COL24A1: variants seen among roughly 807,000 people sequenced by gnomAD.
COL24A1 encodes the protein collagen type XXIV alpha 1 chain.
COL24A1 carries 224 observed loss-of-function variants against 253.9 expected under a neutral mutation model. The ratio of observed to expected loss-of-function variants is 0.88; its 90% confidence interval spans 0.79 to 0.99. The LOEUF is 0.99. Ranked by LOEUF, COL24A1 falls within the 50% of genes least tolerant of loss-of-function variation. COL24A1 has a pLI of 0.00. For synonymous variants in COL24A1, 685 were observed against 673.7 expected (o/e 1.02, Z -0.26); for missense variants, 2,131 against 2,068.5 (o/e 1.03, Z -0.59).
At chr1:85,868,705 CA>C in intron 36 of COL24A1, 76 bp downstream of exon 36, 1 of 1,461,864 alleles carries the variant, frequency 6.8e-7, no homozygotes. Context: ...TTTTGTCACA[CA>C]AAAACAATGA....
At chr1:85,848,082 C>G (rs918946521) in intron 38 of COL24A1, among the ~76,000 whole-genome samples, 2 of 152,076 alleles carry the variant, frequency 1.3e-5, no homozygotes, top group Non-Finnish European at 2.9e-5. Flanking sequence ...TGTGTTGTTA[C>G]TATAAGAAAT....
At chr1:86,133,187 T>C (rs1170763073) in intron 2 of COL24A1, among the ~76,000 whole-genome samples, 1 of 152,194 alleles carries the variant, frequency 6.6e-6, no homozygotes, top group Non-Finnish European at 1.5e-5. Flanking sequence ...CTTGTGATTT[T>C]TGCACATTGA....
intron 28 of COL24A1, among the ~76,000 whole-genome samples, 179 bp downstream of exon 28, chr1:85,907,015 G>T (rs1353162141): frequency 6.6e-6 from 1 of 151,804 alleles, no homozygotes; most frequent in Non-Finnish European, 1.5e-5. Flanking sequence ...AACTACAAAA[G>T]ATTATGAGTT....
intron 43 of COL24A1, among the ~76,000 whole-genome samples, chr1:85,832,451 A>G (rs1675417702): frequency 1.3e-5 from 2 of 151,544 alleles, no homozygotes; most frequent in Non-Finnish European, 2.9e-5. Flanking sequence ...AGTTTTTTCC[A>G]ATTCTGTGAA....
At chr1:86,154,924 G>T (rs922013375) in intron 1 of COL24A1, 1 of 152,456 alleles carries the variant, frequency 6.6e-6, no homozygotes, top group East Asian at 1.9e-4. Context: ...TGTCAGTTCC[G>T]CAGGATCGGC....
intron 43 of COL24A1, among the ~76,000 whole-genome samples, chr1:85,832,870 A>C (rs947026687): frequency 1.1e-4 from 17 of 151,126 alleles, no homozygotes; most frequent in Admixed American, 7.9e-4. Flanking sequence ...TGTCATCTGC[A>C]AACAGGGACA....
rs75300563 is a variant in COL24A1, at chr1:85,824,719, G to A, written c.3682-981C>T. ...GAAACTAGCAACAACCCAGAAGCGT[G>A]TCAGATGAGAGTTATGCAGGAATAA... On this transcript the variant is annotated intron_variant, in intron 43 of 59. Coordinates refer to ENST00000370571, the MANE Select transcript of COL24A1 (RefSeq NM_152890.7). Among the ~76,000 whole-genome samples the A allele has an allele frequency of 6.2e-3, 947 of 152,214 alleles. 10 individuals carry two copies. Among genetic ancestry groups the A allele is most frequent in the African/African-American group, 0.022 (920 of 41,526 alleles).
chr1:86,112,203 T>C (rs1705689959), intron 5 of COL24A1, among the ~76,000 whole-genome samples: 1 of 152,202 alleles, frequency 6.6e-6, no homozygotes, highest in Non-Finnish European at 1.5e-5. Context: ...TAATATTTTA[T>C]TTCCTTGGTG....
intron 57 of COL24A1, 135 bp downstream of exon 57, chr1:85,744,531 G>A (rs1203452299): frequency 1.6e-6 from 1 of 636,710 alleles, no homozygotes; most frequent in African/African-American, 2.1e-5. Flanking sequence ...TTTTATTCTT[G>A]ATGACATTAA....
At chr1:85,874,776 C>T (rs375776288) in intron 34 of COL24A1, 74 bp from the exon 35 acceptor site, 302 of 1,506,894 alleles carry the variant, frequency 2.0e-4, no homozygotes, top group Non-Finnish European at 2.5e-4. Flanking sequence ...GCATGCCATA[C>T]GGCACAGTTC....
intron 43 of COL24A1, 54 bp from the exon 44 acceptor site, chr1:85,823,792 A>G (rs1370676333): frequency 1.4e-6 from 2 of 1,478,826 alleles, no homozygotes; most frequent in South Asian, 2.3e-5. Flanking sequence ...GTGACTTAAG[A>G]GAATAGGATA....
chr1:85,925,678 T>C (rs548515858), intron 24 of COL24A1, among the ~76,000 whole-genome samples: 20 of 152,260 alleles, frequency 1.3e-4, no homozygotes, highest in African/African-American at 4.8e-4. Context: ...TAATTCAAGA[T>C]GGATTAAAGA....
intron 10 of COL24A1, among the ~76,000 whole-genome samples, chr1:86,056,545 T>C (rs564793973): frequency 4.6e-5 from 7 of 152,192 alleles, no homozygotes; most frequent in African/African-American, 9.6e-5. Context: ...AAATACCTTA[T>C]GCTTTACTTC....
chr1:85,859,270 A>T (rs917123889), intron 37 of COL24A1, among the ~76,000 whole-genome samples: 1 of 152,236 alleles, frequency 6.6e-6, no homozygotes, highest in African/African-American at 2.4e-5. Flanking sequence ...CCCTAATCAG[A>T]CAGTAAGGTA....
intron 32 of COL24A1, among the ~76,000 whole-genome samples, chr1:85,878,535 T>A (rs1427631552): frequency 6.6e-6 from 1 of 152,230 alleles, no homozygotes; most frequent in Non-Finnish European, 1.5e-5. Context: ...ATAAAGCTGC[T>A]ATAAACATTC....
At position 86,156,382 on chromosome 1, in the gene COL24A1, G is replaced by A. The variant is rs750117353; in HGVS notation, c.15C>T (p.Ala5=). 1 of 1,612,654 alleles carries A rather than the reference G, an allele frequency of 6.2e-7. No homozygotes were observed. The highest frequency in any genetic ancestry group is 2.2e-5 in the East Asian group (1 of 44,790). Residue 5 remains alanine, a synonymous_variant, in exon 1 of 60, where the codon GCC becomes GCT. Coordinates refer to ENST00000370571, the MANE Select transcript of COL24A1 (RefSeq NM_152890.7). MHLR[A]HRTRRGKVSP... Reference sequence around the variant, plus strand: ...AGACTTTTCCACGCCTTGTTCTGTGGGCTCTTAAATGCATTTGTATGCATT... The same window carrying A: ...AGACTTTTCCACGCCTTGTTCTGTGAGCTCTTAAATGCATTTGTATGCATT...
chr1:85,948,479 G>A (rs972207894), intron 24 of COL24A1, among the ~76,000 whole-genome samples: 3 of 135,450 alleles, frequency 2.2e-5, no homozygotes, highest in South Asian at 2.4e-4. Context: ...AGCCGAGATC[G>A]CGCCACTGCA....
intron 46 of COL24A1, 112 bp from the exon 47 acceptor site, chr1:85,817,007 G>A (rs780275540): frequency 1.5e-5 from 12 of 780,016 alleles, no homozygotes; most frequent in Non-Finnish European, 2.2e-5. Context: ...TTTTGTTCTA[G>A]GACAAATTTT....
intron 7 of COL24A1, 42 bp from the exon 8 acceptor site, chr1:86,063,801 C>T (rs1270242274): frequency 7.1e-7 from 1 of 1,401,838 alleles, no homozygotes; most frequent in Non-Finnish European, 9.5e-7. Context: ...AAAGTAAACT[C>T]ATATAAGCCA....
Sources: allele counts gnomAD v4.1 joint callset (sites outside exome capture counted in the v4.1 genomes callset), GRCh38; gene constraint gnomAD v4.1.1; transcripts MANE v1.5; gene names NCBI Gene and HGNC (gene_info 2026-07-23, HGNC 2026-07-21).